ZNF319: variants seen among roughly 807,000 people sequenced by gnomAD.
The protein encoded by ZNF319 is zinc finger protein 319.
A neutral mutation model predicts 46.0 loss-of-function variants in ZNF319; 15 were observed. The observed-to-expected ratio is 0.33, with a 90% CI of 0.22 to 0.50. ZNF319 has a LOEUF of 0.50. ZNF319 is among the 20% of genes least tolerant of loss of function. The pLI is 0.98. For missense variants in ZNF319, 635 were observed against 807.0 expected (o/e 0.79, Z 2.58); for synonymous variants, 368 against 364.0 (o/e 1.01, Z -0.13).
chr16:57,996,971 A>C lies in ZNF319; in HGVS notation c.1295T>G (p.Val432Gly), dbSNP rs565714112. ...GAAERPFKCP[V>G]CNKAYKRASA... The stretch of plus-strand genomic sequence containing the variant: ...CGCGCGCTTGTAGGCCTTGTTGCAC[A>C]CAGGGCACTTGAAGGGCCGCTCGGC... The change falls in exon 2 of 2, where the codon GTG becomes GGG. Residue 432 changes from valine to glycine, a missense_variant. Physicochemically the swap from Val to Gly is moderately radical, Grantham distance 109 (BLOSUM62 -3). Transcript: ENST00000299237. 60 of 1,603,932 alleles carry C rather than the reference A, an allele frequency of 3.7e-5. No homozygotes were observed. The East Asian group carries it at 1.3e-3, about 35-fold the overall frequency.
rs1360782321 is a variant in ZNF319, at chr16:57,999,801, C to T, written c.-566G>A. 1 of 152,392 alleles carries T rather than the reference C, an allele frequency of 6.6e-6. No individual in the cohort carries two copies. Among genetic ancestry groups the T allele is most frequent in the Non-Finnish European group, 1.5e-5 (1 of 68,172 alleles). 9.4% of individuals were successfully genotyped at this position (152,392 alleles called of 1,614,324 possible). A position where few individuals can be genotyped will look rare whatever the true frequency, so the allele number is the denominator to read the frequency against. On this transcript the variant is annotated 5_prime_UTR_variant, in exon 1 of 2. Transcript: ENST00000299237. ...TGAGCAAGCAGGTACCACTCTAAGC[C>T]TTCTCGGGACAGAGAGGGGGAAGGT...
rs1963155007 is a variant in ZNF319 at position 58,000,636 on chromosome 16, G to A, written c.-1401C>T. On this transcript the variant is annotated 5_prime_UTR_variant, in exon 1 of 2. Coordinates refer to ENST00000299237, the MANE Select transcript of ZNF319 (RefSeq NM_020807.3). The surrounding 1 kb of genome is among the most constrained non-coding windows in gnomAD (Gnocchi z 4.5). ...GGGCCGGGGCGAGGAGCGCCGGGAG[G>A]GCGGGCGGACGGACCGATGGCCTTG... is the stretch of plus-strand genomic sequence containing the variant. Among the ~76,000 whole-genome samples the A allele has an allele frequency of 1.3e-5, 2 of 149,704 alleles. No homozygotes were observed. The highest frequency in any genetic ancestry group is 2.4e-5 in the African/African-American group (1 of 41,098).
rs1963145122 is a variant in ZNF319, at chr16:58,000,408, A to T, written c.-1173T>A. 6.7e-6 allele frequency: 1 copy of T among 149,860 alleles called. No homozygotes were observed. The highest frequency in any genetic ancestry group is 1.5e-5 in the Non-Finnish European group (1 of 67,252). The allele number at this position is 149,860 out of a possible 1,614,324, so 9.3% of individuals were successfully genotyped here. A position where few individuals can be genotyped will look rare whatever the true frequency, so the allele number is the denominator to read the frequency against. The stretch of plus-strand genomic sequence containing the variant: ...GGGCGCCCCGCCGCTCACCTGCTCC[A>T]GGCCGCCTGCAGGGCAGGCGCGGGG... On this transcript the variant is annotated 5_prime_UTR_variant, in exon 1 of 2. Coordinates refer to ENST00000299237, the MANE Select transcript of ZNF319 (RefSeq NM_020807.3). The surrounding 1 kb of genome is among the most constrained non-coding windows in gnomAD (Gnocchi z 4.5).
Position 57,998,095 on chromosome 16 carries a change from G to T in ZNF319, c.171C>A (p.Asp57Glu). Reference sequence around the variant, plus strand: ...CGTGTTGTGGGGGCTGCAGGCCGGGGTCTGGCTGCAGGAGGATGCCATAGA... The same window carrying T: ...CGTGTTGTGGGGGCTGCAGGCCGGGTTCTGGCTGCAGGAGGATGCCATAGA... ...CAVYGILLQP[D>E]PGLQPPQHAP... Residue 57 changes from aspartate (D) to glutamate (E), a missense_variant, in exon 2 of 2, where the codon GAC becomes GAA. By Grantham distance (45) the Asp-to-Glu change is conservative. This residue lies in a region of ZNF319 where 227 missense variants were observed against 277.5 expected (regional missense o/e 0.82). Transcript: ENST00000299237. 1 of 1,607,994 alleles carries T rather than the reference G, an allele frequency of 6.2e-7. No individual in the cohort carries two copies. The highest frequency in any genetic ancestry group is 8.5e-7 in the Non-Finnish European group (1 of 1,178,424).
At position 57,998,215 on chromosome 16, in the gene ZNF319, C is replaced by T; in HGVS notation, c.51G>A (p.Gln17=). The change falls in exon 2 of 2, where the codon CAG becomes CAA. Residue 17 remains glutamine (Q), a synonymous_variant. Coordinates refer to ENST00000299237, the MANE Select transcript of ZNF319 (RefSeq NM_020807.3). ...QPPQTQPQQP[Q]PPQPQHHAEP... The stretch of plus-strand genomic sequence containing the variant: ...CTGCATGGTGCTGAGGCTGCGGTGG[C>T]TGTGGCTGCTGCGGCTGCGTCTGTG... 3 of 1,532,978 alleles carry T rather than the reference C, an allele frequency of 2.0e-6. No homozygotes were observed. Among genetic ancestry groups the T allele is most frequent in the South Asian group, 1.3e-5 (1 of 78,796 alleles). 95.0% of individuals were successfully genotyped at this position (1,532,978 alleles called of 1,614,324 possible).
In ZNF319 at chr16:58,000,532, G is replaced by T. The variant is rs2142286612; in HGVS notation, c.-1297C>A. The stretch of plus-strand genomic sequence containing the variant: ...CTGCCAATCCCCGGCCTCGCGTAGC[G>T]GCTGCGGCCGGACCGGGGGCGGGGG... On this transcript the variant is annotated 5_prime_UTR_variant, in exon 1 of 2. Coordinates refer to ENST00000299237, the MANE Select transcript of ZNF319 (RefSeq NM_020807.3). This position sits in a 1 kb window ranked among gnomAD's most constrained non-coding sequence, Gnocchi z 4.5. The T allele has an allele frequency of 6.7e-6, 1 of 150,146 alleles. No individual in the cohort carries two copies. The highest frequency in any genetic ancestry group is 1.9e-4 in the East Asian group (1 of 5,142). The allele number at this position is 150,146 out of a possible 1,614,324, so 9.3% of individuals were successfully genotyped here.
rs767202477 is a variant in ZNF319 at position 57,997,182 on chromosome 16, G to A, written c.1084C>T (p.Arg362Trp). 3.7e-6 allele frequency: 6 copies of A among 1,613,784 alleles called. No homozygotes were observed. Among genetic ancestry groups the A allele is most frequent in the South Asian group, 2.2e-5 (2 of 91,090 alleles). Residue 362 changes from arginine to tryptophan, a missense_variant, in exon 2 of 2, where the codon CGG becomes TGG. Arg to Trp is a moderately radical substitution (Grantham distance 101). Coordinates refer to ENST00000299237, the MANE Select transcript of ZNF319 (RefSeq NM_020807.3). ...GGCTCCTCGGTCTTGTGTGTGCGCCGGTGGCGCATCAGTGCGTACTGCTGC... is the reference window on the plus strand; with the variant it reads ...GGCTCCTCGGTCTTGTGTGTGCGCCAGTGGCGCATCAGTGCGTACTGCTGC... The part of the protein sequence containing the change: ...FKQQYALMRH[R>W]RTHKTEEPFK...
chr16:57,996,530 G>A lies in ZNF319; in HGVS notation c.1736C>T (p.Ala579Val). The change falls in exon 2 of 2, where the codon GCC becomes GTC. Residue 579 changes from alanine to valine, a missense_variant. Transcript: ENST00000299237. ...ACAGCCGCAGAGTCAGGGCAGGCAG[G>A]CGGCTACCTGGTAGGCGCCCTCCGC... ...AAAEGAYQVA[A>V]CLP is the part of the protein sequence containing the mutation. The A allele has an allele frequency of 1.3e-6, 2 of 1,533,794 alleles. No individual in the cohort carries two copies. The highest frequency in any genetic ancestry group is 1.7e-6 in the Non-Finnish European group (2 of 1,145,358).
At chr16:57,998,710 C>T (rs1963082259) in intron 1 of ZNF319, among the ~76,000 whole-genome samples, 188 bp from the exon 2 acceptor site, 1 of 152,184 alleles carries the variant, frequency 6.6e-6, no homozygotes, top group Non-Finnish European at 1.5e-5. Context: ...CTCAGCTCCT[C>T]CAGGCAGAGG....
Position 57,996,762 on chromosome 16 carries a change from G to C in ZNF319, c.1504C>G (p.Gln502Glu). ...EKRFKYASDLQRHRRVHTGEK... is the reference protein window; with the variant it reads ...EKRFKYASDLERHRRVHTGEK... ...CCTGTGTGTACCCGCCGGTGCCGCT[G>C]CAGGTCTGACGCGTACTTGAAGCGT... The change falls in exon 2 of 2, where the codon CAG (glutamine) becomes GAG (glutamate). Residue 502 changes from glutamine (Q) to glutamate (E), a missense_variant. Physicochemically the swap from Gln to Glu is conservative, Grantham distance 29. Coordinates refer to ENST00000299237, the MANE Select transcript of ZNF319 (RefSeq NM_020807.3). 2 of 1,611,636 alleles carry C rather than the reference G, an allele frequency of 1.2e-6. No individual in the cohort carries two copies. The highest frequency in any genetic ancestry group is 8.5e-7 in the Non-Finnish European group (1 of 1,178,854).
In ZNF319 at chr16:57,997,921, C is replaced by G. The variant is rs1410423193; in HGVS notation, c.345G>C (p.Gln115His). 1.2e-6 allele frequency: 2 copies of G among 1,613,472 alleles called. No homozygotes were observed. The highest frequency in any genetic ancestry group is 1.7e-6 in the Non-Finnish European group (2 of 1,180,058). The change falls in exon 2 of 2, where the codon CAG (glutamine) becomes CAC (histidine). Residue 115 changes from glutamine (Q) to histidine (H), a missense_variant. By Grantham distance (24) the Gln-to-His change is conservative. This residue lies in a region of ZNF319 where 227 missense variants were observed against 277.5 expected (regional missense o/e 0.82). Coordinates refer to ENST00000299237, the MANE Select transcript of ZNF319 (RefSeq NM_020807.3). ...ACTGGTGCTCCAGCAGGTCAGTGGC[C>G]TGGTGGAAGATCTTGAGACACTGTG... is the stretch of plus-strand genomic sequence containing the variant. ...QCTQCLKIFH[Q>H]ATDLLEHQCV...
In ZNF319 at chr16:57,996,323, C is replaced by G; in HGVS notation, c.*194G>C. ...ACAGCAATCTGGCCGCCCGCACTGC[C>G]CGCTGGTGCCAGGAGTACGAGCGGC... On this transcript the variant is annotated 3_prime_UTR_variant, in exon 2 of 2. Transcript: ENST00000299237. The G allele has an allele frequency of 8.5e-7, 1 of 1,176,200 alleles. No homozygotes were observed. Among genetic ancestry groups the G allele is most frequent in the Non-Finnish European group, 1.1e-6 (1 of 878,006 alleles). 72.9% of individuals were successfully genotyped at this position (1,176,200 alleles called of 1,614,324 possible). A position where few individuals can be genotyped will look rare whatever the true frequency, so the allele number is the denominator to read the frequency against.
rs771308920 is a variant in ZNF319, at chr16:57,998,248, T to C, written c.18A>G (p.Gln6=). 22 of 1,524,586 alleles carry C rather than the reference T, an allele frequency of 1.4e-5. No individual in the cohort carries two copies. Among genetic ancestry groups the C allele is most frequent in the Non-Finnish European group, 1.8e-5 (21 of 1,136,836 alleles). The allele number at this position is 1,524,586 out of a possible 1,614,324, so 94.4% of individuals were successfully genotyped here. A position where few individuals can be genotyped will look rare whatever the true frequency, so the allele number is the denominator to read the frequency against. The change falls in exon 2 of 2, where the codon CAA becomes CAG. Residue 6 remains glutamine (Q), a synonymous_variant. Coordinates refer to ENST00000299237, the MANE Select transcript of ZNF319 (RefSeq NM_020807.3). ...GCTGCGGCTGCGTCTGTGGCGGCTG[T>C]TGCCAGCTTTCCGACATGCTTGGGA... is the stretch of plus-strand genomic sequence containing the variant. MSESW[Q]QPPQTQPQQP...
Position 58,000,273 on chromosome 16 carries a change from C to G in ZNF319, c.-1038G>C, listed in dbSNP as rs2142285943. On this transcript the variant is annotated 5_prime_UTR_variant, in exon 1 of 2. Transcript: ENST00000299237. This position sits in a 1 kb window ranked among gnomAD's most constrained non-coding sequence, Gnocchi z 4.5. The stretch of plus-strand genomic sequence containing the variant: ...GCGCCTCGAGGCCCGGCCTGGGCCG[C>G]CCAGAAGCTCAAGAGGCCGCTAGGT... 1 of 152,124 alleles carries G rather than the reference C, an allele frequency of 6.6e-6. No homozygotes were observed. The highest frequency in any genetic ancestry group is 1.9e-4 in the East Asian group (1 of 5,146). 9.4% of individuals were successfully genotyped at this position (152,124 alleles called of 1,614,324 possible).
chr16:57,999,094 C>T (rs1031794250), intron 1 of ZNF319, among the ~76,000 whole-genome samples: 1 of 152,176 alleles, frequency 6.6e-6, no homozygotes, highest in Admixed American at 6.5e-5. Context: ...TGACCACAGG[C>T]CCATTCTCTC....
chr16:58,000,082 ATGAAAGCC>A lies in ZNF319; in HGVS notation c.-855_-848del, dbSNP rs1027834840. 2.6e-5 allele frequency among the ~76,000 whole-genome samples: 4 copies of A among 152,078 alleles called. No individual in the cohort carries two copies. Among genetic ancestry groups the A allele is most frequent in the African/African-American group, 9.7e-5 (4 of 41,416 alleles). Reference sequence around the variant, plus strand: ...CTCTTCTTCCTCCCTGAGAAACCGAATGAAAGCCGATCACCTCCCGCCGGCCCTGCCTG... The same window carrying A: ...CTCTTCTTCCTCCCTGAGAAACCGAAGATCACCTCCCGCCGGCCCTGCCTG... On this transcript the variant is annotated 5_prime_UTR_variant, in exon 1 of 2. Transcript: ENST00000299237. The surrounding 1 kb of genome is among the most constrained non-coding windows in gnomAD (Gnocchi z 4.5).
In ZNF319 at chr16:57,996,415, G is replaced by C; in HGVS notation, c.*102C>G. 7.0e-7 allele frequency: 1 copy of C among 1,433,468 alleles called. No individual in the cohort carries two copies. The highest frequency in any genetic ancestry group is 9.1e-7 in the Non-Finnish European group (1 of 1,098,234). 88.8% of individuals were successfully genotyped at this position (1,433,468 alleles called of 1,614,324 possible). On this transcript the variant is annotated 3_prime_UTR_variant, in exon 2 of 2. Transcript: ENST00000299237. Reference sequence around the variant, plus strand: ...AGGTCTCAGAACACCGAGCTGGGTGGGGCCCTTGGTGCAAGGCAGCTGTGA... The same window carrying C: ...AGGTCTCAGAACACCGAGCTGGGTGCGGCCCTTGGTGCAAGGCAGCTGTGA...
chr16:57,997,798 G>T lies in ZNF319; in HGVS notation c.468C>A (p.Gly156=). The change falls in exon 2 of 2, where the codon GGC becomes GGA. Residue 156 remains glycine, a synonymous_variant. Transcript: ENST00000299237. ...TTTCACAGATGGAACACTTCACCAG[G>T]CCACTGTGGGAGCTGTGGTGCTGTG... is the stretch of plus-strand genomic sequence containing the variant. ...SLAQHHSSHS[G]LVKCSICEKT... The T allele has an allele frequency of 6.2e-7, 1 of 1,612,752 alleles. No individual in the cohort carries two copies. Among genetic ancestry groups the T allele is most frequent in the South Asian group, 1.1e-5 (1 of 91,092 alleles).
rs1387641257 is a variant in ZNF319, at chr16:57,996,219, G to T, written c.*298C>A. ...ACTTCCAGCCTGGCTCCAGTGCCCC[G>T]GAAATAAGGGGGGTGCTGATGGCTC... On this transcript the variant is annotated 3_prime_UTR_variant, in exon 2 of 2. Transcript: ENST00000299237. 3 of 435,844 alleles carry T rather than the reference G, an allele frequency of 6.9e-6. No homozygotes were observed. Among genetic ancestry groups the T allele is most frequent in the Non-Finnish European group, 1.2e-5 (3 of 252,746 alleles). 27.0% of individuals were successfully genotyped at this position (435,844 alleles called of 1,614,324 possible). A position where few individuals can be genotyped will look rare whatever the true frequency, so the allele number is the denominator to read the frequency against.
Sources: gnomAD v4.1 joint callset for allele counts (sites outside exome capture counted in the v4.1 genomes callset) on GRCh38, gnomAD v4.1.1 for gene constraint, gnomAD v4.1.1 regional missense constraint, Gnocchi (gnomAD v3.1) non-coding constraint, MANE v1.5 for transcripts, NCBI Gene and HGNC (gene_info 2026-07-23, HGNC 2026-07-21) for gene names.